The following SLC26A3 variants were observed in gnomAD, a reference collection of about 807,000 sequenced individuals.
SLC26A3 encodes solute carrier family 26 member 3.
SLC26A3 carries 64 observed loss-of-function variants against 85.6 expected under a neutral mutation model. The observed-to-expected ratio is 0.75, with a 90% CI of 0.61 to 0.92. The LOEUF is 0.92. Among genes scored for constraint, SLC26A3 ranks in the 40% least tolerant of loss-of-function variants. The probability of loss-of-function intolerance (pLI) is 0.00; values close to 1 mark genes in which losing one functional copy is unlikely to be tolerated. For missense variants in SLC26A3, 922 were observed against 927.3 expected (o/e 0.99, Z 0.07); for synonymous variants, 349 against 336.0 (o/e 1.04, Z -0.42).
At chr7:107,784,554 C>T (rs1159936967) in intron 8 of SLC26A3, among the ~76,000 whole-genome samples, 5 of 152,208 alleles carry the variant, frequency 3.3e-5, no homozygotes, top group Non-Finnish European at 7.3e-5. Flanking sequence ...ACCTCAGCCT[C>T]CCAAGTAGCT....
chr7:107,791,757 A>G, intron 4 of SLC26A3, 73 bp downstream of exon 4: 2 of 972,708 alleles, frequency 2.1e-6, no homozygotes, highest in Non-Finnish European at 1.7e-6. Flanking sequence ...TTTGGAATTG[A>G]TAGAAGGTAT....
At chr7:107,775,126 C>G (rs182972198) in intron 15 of SLC26A3, among the ~76,000 whole-genome samples, 61 of 152,284 alleles carry the variant, frequency 4.0e-4, no homozygotes, top group Middle Eastern at 6.8e-3. Flanking sequence ...CATAAATTAT[C>G]CATGAATGGA....
intron 3 of SLC26A3, among the ~76,000 whole-genome samples, chr7:107,792,668 C>T (rs916218196): frequency 6.6e-6 from 1 of 152,120 alleles, no homozygotes; most frequent in South Asian, 2.1e-4. Context: ...TAACAGGCCA[C>T]GGACCTGTAC....
intron 1 of SLC26A3, 117 bp from the exon 2 acceptor site, chr7:107,794,714 AAGG>A: frequency 5.1e-6 from 3 of 591,450 alleles, no homozygotes. Flanking sequence ...AGGCAGGATT[AAGG>A]GACCTAGATT....
intron 1 of SLC26A3, among the ~76,000 whole-genome samples, chr7:107,798,869 A>T (rs1343542029): frequency 6.6e-6 from 1 of 152,234 alleles, no homozygotes; most frequent in Non-Finnish European, 1.5e-5. Flanking sequence ...TATTTCATGA[A>T]TTAGTCCTTG....
chr7:107,792,692 A>G (rs1354396473), intron 3 of SLC26A3, among the ~76,000 whole-genome samples: 1 of 152,176 alleles, frequency 6.6e-6, no homozygotes, highest in Non-Finnish European at 1.5e-5. Context: ...TCTGTGGCCC[A>G]GGGACTGGGG....
At chr7:107,796,883 C>G (rs1794511693) in intron 1 of SLC26A3, among the ~76,000 whole-genome samples, 1 of 151,754 alleles carries the variant, frequency 6.6e-6, no homozygotes, top group Admixed American at 6.6e-5. Flanking sequence ...TTTACTCATG[C>G]TTTCCTCAAG....
chr7:107,796,161 G>A lies in SLC26A3; in HGVS notation c.-88-1564C>T, dbSNP rs78797432. On this transcript the variant is annotated intron_variant, in intron 1 of 20. Transcript: ENST00000340010. Reference sequence around the variant, plus strand: ...ATCTCACTGTCGCTTGGGGTAGAGTGCAGTGGTGCAATCATAGCTCACTAT... The same window carrying A: ...ATCTCACTGTCGCTTGGGGTAGAGTACAGTGGTGCAATCATAGCTCACTAT... Among the ~76,000 whole-genome samples the A allele has an allele frequency of 2.6e-3, 395 of 152,000 alleles. 3 individuals are homozygous for A. The highest frequency in any genetic ancestry group is 9.1e-3 in the African/African-American group (378 of 41,472).
intron 7 of SLC26A3, 34 bp from the exon 8 acceptor site, chr7:107,786,943 T>C: frequency 6.4e-7 from 1 of 1,557,328 alleles, no homozygotes; most frequent in Non-Finnish European, 8.9e-7. Context: ...GTTAGAAATG[T>C]GAGATGCAAG....
intron 6 of SLC26A3, among the ~76,000 whole-genome samples, chr7:107,788,836 T>C (rs1344736946): frequency 1.4e-5 from 2 of 146,372 alleles, no homozygotes; most frequent in African/African-American, 5.0e-5. Context: ...CAGGCTGGAG[T>C]GCAGTGATGC....
intron 8 of SLC26A3, among the ~76,000 whole-genome samples, chr7:107,783,910 T>G (rs762973563): frequency 6.6e-6 from 1 of 152,214 alleles, no homozygotes; most frequent in Admixed American, 6.5e-5. Context: ...GATTTCTCTT[T>G]AAGGTGATAT....
At chr7:107,800,790 T>G (rs1355709988) in intron 1 of SLC26A3, among the ~76,000 whole-genome samples, 1 of 152,216 alleles carries the variant, frequency 6.6e-6, no homozygotes, top group Non-Finnish European at 1.5e-5. Context: ...GAAGAAGGGA[T>G]GTAAATGTGG....
chr7:107,770,034 C>CTTTCTTTCTTTCTTTCTTTCTTTCTT (rs1793986910), intron 18 of SLC26A3, among the ~76,000 whole-genome samples: 1 of 92,834 alleles, frequency 1.1e-5, no homozygotes, highest in African/African-American at 4.4e-5. Flanking sequence ...TTCTTTCTTT[C>CTTTCTTTCTTTCTTTCTTTCTTTCTT]TTTCTTTCTT....
chr7:107,781,454 AT>A (rs1383163683), intron 11 of SLC26A3, among the ~76,000 whole-genome samples: 1 of 152,102 alleles, frequency 6.6e-6, no homozygotes, highest in East Asian at 1.9e-4. Context: ...TTTGGTAATT[AT>A]TTCTTTAGTG....
intron 17 of SLC26A3, among the ~76,000 whole-genome samples, chr7:107,772,881 T>C (rs929450176): frequency 2.0e-5 from 3 of 152,178 alleles, no homozygotes; most frequent in African/African-American, 7.2e-5. Flanking sequence ...AGTTACATGA[T>C]GTTAACATTT....
At chr7:107,778,139 A>G (rs745802192) in intron 13 of SLC26A3, 36 bp downstream of exon 13, 13 of 1,438,054 alleles carry the variant, frequency 9.0e-6, no homozygotes, top group Non-Finnish European at 7.8e-6. Flanking sequence ...GGGCAGGTCC[A>G]AGCCTGCCAG....
chr7:107,800,268 G>A (rs1794577974), intron 1 of SLC26A3, among the ~76,000 whole-genome samples: 1 of 152,212 alleles, frequency 6.6e-6, no homozygotes, highest in South Asian at 2.1e-4. Context: ...ACTGAAGTGG[G>A]GAGATTGCTT....
intron 11 of SLC26A3, among the ~76,000 whole-genome samples, chr7:107,782,391 C>G (rs1265201535): frequency 6.6e-6 from 1 of 152,184 alleles, no homozygotes; most frequent in Non-Finnish European, 1.5e-5. Flanking sequence ...CTAGAAGCTT[C>G]AGGGTGTGTT....
chr7:107,783,616 C>T (rs931491250), intron 8 of SLC26A3, among the ~76,000 whole-genome samples: 42 of 152,216 alleles, frequency 2.8e-4, no homozygotes, highest in Non-Finnish European at 1.3e-4. Context: ...TAAAACCACA[C>T]TATAATGTGC....
Sources: allele counts gnomAD v4.1 joint callset (sites outside exome capture counted in the v4.1 genomes callset), GRCh38; gene constraint gnomAD v4.1.1; transcripts MANE v1.5; gene names NCBI Gene and HGNC (gene_info 2026-07-23, HGNC 2026-07-21).